The following SYNDIG1 variants were observed in gnomAD, a reference collection of about 807,000 sequenced individuals.
SYNDIG1 encodes synapse differentiation-inducing gene protein 1.
In SYNDIG1, 9 loss-of-function variants were observed where a neutral mutation model predicts 19.4. The ratio of observed to expected loss-of-function variants is 0.46; its 90% CI spans 0.28 to 0.81. The LOEUF is 0.81. Among genes scored for constraint, SYNDIG1 ranks in the 30% least tolerant of loss-of-function variants. The pLI is 0.12. For synonymous variants in SYNDIG1, 141 were observed against 145.9 expected (o/e 0.97, Z 0.24); for missense variants, 311 against 343.3 (o/e 0.91, Z 0.74).
At chr20:24,584,821 C>T in intron 2 of SYNDIG1, 35 bp from the exon 3 acceptor site, 1 of 1,613,778 alleles carries the variant, frequency 6.2e-7, no homozygotes, top group Non-Finnish European at 8.5e-7. Context: ...TATTAATCTT[C>T]TCTCCTGTCC....
At chr20:24,604,953 C>G (rs1870409200) in intron 3 of SYNDIG1, among the ~76,000 whole-genome samples, 1 of 151,990 alleles carries the variant, frequency 6.6e-6, no homozygotes, top group African/African-American at 2.4e-5. Flanking sequence ...AAATTGAGTC[C>G]CATCTAATGA....
chr20:24,492,035 G>T (rs1280275621), intron 1 of SYNDIG1, among the ~76,000 whole-genome samples: 1 of 152,214 alleles, frequency 6.6e-6, no homozygotes, highest in Non-Finnish European at 1.5e-5. Context: ...CCAGGCACAC[G>T]CCTGCTGAGA....
intron 1 of SYNDIG1, among the ~76,000 whole-genome samples, chr20:24,527,669 A>G (rs1463606403): frequency 6.6e-6 from 1 of 151,550 alleles, no homozygotes. Flanking sequence ...TCTCTTAGAG[A>G]TGTTTGTTTC....
intron 1 of SYNDIG1, among the ~76,000 whole-genome samples, chr20:24,507,766 A>G (rs1467666221): frequency 2.6e-5 from 4 of 152,234 alleles, no homozygotes; most frequent in African/African-American, 4.8e-5. Flanking sequence ...GAAGAGAAGC[A>G]GGCAGCAGGG....
chr20:24,639,115 C>T (rs147372287), intron 3 of SYNDIG1, among the ~76,000 whole-genome samples: 113 of 152,314 alleles, frequency 7.4e-4, no homozygotes, highest in Middle Eastern at 3.4e-3. Context: ...TAATACAAAG[C>T]ACTGTGTGCA....
intron 1 of SYNDIG1, among the ~76,000 whole-genome samples, chr20:24,528,090 C>A (rs1324191605): frequency 1.3e-5 from 2 of 152,192 alleles, no homozygotes; most frequent in Non-Finnish European, 2.9e-5. Flanking sequence ...CCTTCGCAAT[C>A]AGTAATGTCT....
intron 1 of SYNDIG1, among the ~76,000 whole-genome samples, chr20:24,473,632 C>T (rs928681148): frequency 1.3e-5 from 2 of 152,118 alleles, no homozygotes; most frequent in African/African-American, 4.8e-5. Flanking sequence ...ACTGGGGAGA[C>T]AGGCGTGCAG....
chr20:24,621,778 A>T (rs557285322), intron 3 of SYNDIG1, among the ~76,000 whole-genome samples: 1 of 152,170 alleles, frequency 6.6e-6, no homozygotes. Context: ...TGAGCTTGAA[A>T]AACCACAAGA....
rs10658853 is a variant in SYNDIG1 at position 24,560,694 on chromosome 20, C to CTTTTTTTTTTTTT, written c.480+17126_480+17138dup. 4.4e-5 allele frequency among the ~76,000 whole-genome samples: 5 copies of CTTTTTTTTTTTTT among 113,822 alleles called. 1 individual carries two copies. Among genetic ancestry groups the CTTTTTTTTTTTTT allele is most frequent in the African/African-American group, 6.7e-5 (2 of 29,856 alleles). The allele number at this position is 113,822 out of a possible 152,430, so 74.7% of individuals were successfully genotyped here. ...CCCCCGAGACAGTTTCTGTTGACTACTTTTTTTTTTTTTTTTTTTTTAAAC... is the reference window on the plus strand; with the variant it reads ...CCCCCGAGACAGTTTCTGTTGACTACTTTTTTTTTTTTTTTTTTTTTTTTTTTTTTTTTTAAAC... On this transcript the variant is annotated intron_variant, in intron 2 of 3. Coordinates refer to ENST00000376862, the MANE Select transcript of SYNDIG1 (RefSeq NM_024893.3).
intron 3 of SYNDIG1, among the ~76,000 whole-genome samples, chr20:24,635,467 A>G (rs1165265315): frequency 6.6e-6 from 1 of 152,186 alleles, no homozygotes. Flanking sequence ...TTGCTATGAT[A>G]AAAGCTCACT....
chr20:24,481,553 A>G (rs916296686), intron 1 of SYNDIG1, among the ~76,000 whole-genome samples: 4 of 152,234 alleles, frequency 2.6e-5, no homozygotes, highest in Middle Eastern at 3.2e-3. Context: ...CAGCGCCACA[A>G]GATTCTGCTG....
chr20:24,578,229 G>A (rs891768382), intron 2 of SYNDIG1, among the ~76,000 whole-genome samples: 1 of 152,146 alleles, frequency 6.6e-6, no homozygotes, highest in Non-Finnish European at 1.5e-5. Flanking sequence ...GATCACTTGA[G>A]GTCAGGAGTT....
chr20:24,626,474 G>T (rs1056820150), intron 3 of SYNDIG1, among the ~76,000 whole-genome samples: 27 of 151,682 alleles, frequency 1.8e-4, no homozygotes, highest in Non-Finnish European at 1.5e-5. Context: ...CATCTCAGAC[G>T]ATGGGCGGCC....
At chr20:24,539,908 A>G (rs2057435905) in intron 1 of SYNDIG1, among the ~76,000 whole-genome samples, 1 of 152,014 alleles carries the variant, frequency 6.6e-6, no homozygotes, top group African/African-American at 2.4e-5. Context: ...CCTCATGAGT[A>G]GCTGGGATTA....
At chr20:24,664,203 T>A (rs183645261) in intron 3 of SYNDIG1, among the ~76,000 whole-genome samples, 2 of 152,146 alleles carry the variant, frequency 1.3e-5, no homozygotes, top group East Asian at 3.9e-4. Flanking sequence ...TCAGAGACCA[T>A]GGAAGATGCA....
chr20:24,617,013 G>T (rs933807884), intron 3 of SYNDIG1, among the ~76,000 whole-genome samples: 8 of 152,118 alleles, frequency 5.3e-5, no homozygotes, highest in African/African-American at 1.7e-4. Context: ...GTATCTGCCC[G>T]CTTCCACAGC....
At chr20:24,476,970 T>G (rs969297921) in intron 1 of SYNDIG1, among the ~76,000 whole-genome samples, 3 of 151,834 alleles carry the variant, frequency 2.0e-5, no homozygotes, top group African/African-American at 7.2e-5. Flanking sequence ...TGGGTGTAGG[T>G]GTATTAGCTG....
At chr20:24,494,909 C>T (rs928220418) in intron 1 of SYNDIG1, among the ~76,000 whole-genome samples, 6 of 152,182 alleles carry the variant, frequency 3.9e-5, no homozygotes, top group African/African-American at 1.4e-4. Flanking sequence ...TGAGTTTTTG[C>T]ATTAATGTAG....
chr20:24,593,957 A>G (rs1297213275), intron 3 of SYNDIG1, among the ~76,000 whole-genome samples: 1 of 152,204 alleles, frequency 6.6e-6, no homozygotes, highest in Admixed American at 6.5e-5. Context: ...AATAGTTTGC[A>G]AATATTTTCT....
Sources: gnomAD v4.1 joint callset for allele counts (sites outside exome capture counted in the v4.1 genomes callset) on GRCh38, gnomAD v4.1.1 for gene constraint, MANE v1.5 for transcripts, NCBI Gene and HGNC (gene_info 2026-07-23, HGNC 2026-07-21) for gene names.